The following ZCCHC17 variants were observed in gnomAD, a reference collection of about 807,000 sequenced individuals.
ZCCHC17 encodes zinc finger CCHC domain-containing protein 17.
A neutral mutation model predicts 30.6 loss-of-function variants in ZCCHC17; 18 were observed. The ratio of observed to expected loss-of-function variants is 0.59; its 90% CI spans 0.41 to 0.87. The LOEUF (loss-of-function observed/expected upper bound fraction) is 0.87. Among genes scored for constraint, ZCCHC17 ranks in the 40% least tolerant of loss-of-function variants. The pLI is 0.00. For missense variants in ZCCHC17, 263 were observed against 284.2 expected, an observed-to-expected ratio of 0.93 and a Z score of 0.54; for synonymous variants, 88 against 92.4, an observed-to-expected ratio of 0.95 and a Z score of 0.27.
rs1273931875 is a variant in ZCCHC17 at position 31,339,177 on chromosome 1, T to C, written c.317+129T>C. On this transcript the variant is annotated intron_variant, in intron 5 of 7. Coordinates refer to ENST00000344147, the MANE Select transcript of ZCCHC17 (RefSeq NM_016505.4). ...TGATATTGATAAGTTACGTAACCTT[T>C]GCAATCTTTGGTTTTTAGAAATGTA... 3 of 681,810 alleles carry C rather than the reference T, an allele frequency of 4.4e-6. No homozygotes were observed. The East Asian group carries it at 8.7e-5, about 20-fold the overall frequency. 42.2% of individuals were successfully genotyped at this position (681,810 alleles called of 1,614,324 possible).
intron 7 of ZCCHC17, among the ~76,000 whole-genome samples, chr1:31,362,102 G>A (rs1343334570): frequency 1.3e-5 from 2 of 152,136 alleles, no homozygotes; most frequent in African/African-American, 4.8e-5. Context: ...GAGCCACCGC[G>A]CCCAGCCAGT....
chr1:31,358,080 T>C (rs1639718182), intron 7 of ZCCHC17, among the ~76,000 whole-genome samples: 1 of 152,222 alleles, frequency 6.6e-6, no homozygotes. Context: ...CATAAAGTGT[T>C]GTTTGAGTGG....
intron 7 of ZCCHC17, among the ~76,000 whole-genome samples, chr1:31,360,233 GA>G (rs1639822025): frequency 6.8e-6 from 1 of 146,728 alleles, no homozygotes. Flanking sequence ...GCAGTGGCGC[GA>G]TCTTGGCTCA....
chr1:31,324,945 A>G (rs1325175255), intron 3 of ZCCHC17, among the ~76,000 whole-genome samples: 1 of 152,218 alleles, frequency 6.6e-6, no homozygotes, highest in Non-Finnish European at 1.5e-5. Flanking sequence ...TCTGTGGCCC[A>G]GAGTGAGAAC....
At chr1:31,331,719 C>A (rs1042578253) in intron 3 of ZCCHC17, among the ~76,000 whole-genome samples, 2 of 151,838 alleles carry the variant, frequency 1.3e-5, no homozygotes, top group Non-Finnish European at 2.9e-5. Context: ...TCAGGCAATT[C>A]TCCTGCCTTA....
At chr1:31,303,775 C>A (rs1646377701) in intron 1 of ZCCHC17, among the ~76,000 whole-genome samples, 1 of 152,108 alleles carries the variant, frequency 6.6e-6, no homozygotes, top group Non-Finnish European at 1.5e-5. Context: ...TTCCTACAAA[C>A]AAGGACATTC....
chr1:31,304,574 C>T (rs558273298), intron 1 of ZCCHC17, among the ~76,000 whole-genome samples: 26 of 151,430 alleles, frequency 1.7e-4, no homozygotes, highest in Admixed American at 6.6e-4. Context: ...TGTGAGCCAC[C>T]GTGCCTGGCT....
intron 2 of ZCCHC17, among the ~76,000 whole-genome samples, chr1:31,312,955 T>C (rs1163132189): frequency 6.6e-6 from 1 of 151,822 alleles, no homozygotes; most frequent in Non-Finnish European, 1.5e-5. Flanking sequence ...GTACTTTTAG[T>C]AGAGACAAGG....
intron 7 of ZCCHC17, among the ~76,000 whole-genome samples, chr1:31,351,833 G>C (rs1288393070): frequency 6.6e-6 from 1 of 152,126 alleles, no homozygotes; most frequent in African/African-American, 2.4e-5. Context: ...CTGAATGTTG[G>C]AGTGTTCCAA....
At chr1:31,322,419 C>T (rs145909279) in intron 3 of ZCCHC17, among the ~76,000 whole-genome samples, 22 of 152,294 alleles carry the variant, frequency 1.4e-4, no homozygotes, top group African/African-American at 5.1e-4. Context: ...ACTCACAGAA[C>T]TCAGAAAAAT....
chr1:31,360,860 T>A (rs1382850933), intron 7 of ZCCHC17, among the ~76,000 whole-genome samples: 1 of 152,192 alleles, frequency 6.6e-6, no homozygotes, highest in Non-Finnish European at 1.5e-5. Flanking sequence ...ACTCATGAAG[T>A]TTGACTCTAC....
intron 3 of ZCCHC17, among the ~76,000 whole-genome samples, chr1:31,321,054 T>C (rs981540499): frequency 6.6e-6 from 1 of 152,210 alleles, no homozygotes; most frequent in Admixed American, 6.5e-5. Flanking sequence ...CTTGGGTTTA[T>C]TGGCCATTTG....
intron 5 of ZCCHC17, among the ~76,000 whole-genome samples, chr1:31,340,672 G>A (rs1228141572): frequency 6.6e-6 from 1 of 152,172 alleles, no homozygotes; most frequent in African/African-American, 2.4e-5. Flanking sequence ...AAAATTCTAT[G>A]TGTGTCCTCA....
intron 3 of ZCCHC17, among the ~76,000 whole-genome samples, chr1:31,321,150 C>T (rs933526843): frequency 1.1e-4 from 16 of 152,212 alleles, no homozygotes; most frequent in Admixed American, 9.8e-4. Context: ...TTGTAGTTCT[C>T]GTAATCCCCA....
rs148785491 is a variant in ZCCHC17 at position 31,300,887 on chromosome 1, C to T, written c.-56+3812C>T. The stretch of plus-strand genomic sequence containing the variant: ...GGAGGAGGTTGCAGTGAGCTAAGAT[C>T]GCGCCATTGCACTCTAGCCTGGGTG... On this transcript the variant is annotated intron_variant, in intron 1 of 7. Coordinates refer to ENST00000344147, the MANE Select transcript of ZCCHC17 (RefSeq NM_016505.4). Among the ~76,000 whole-genome samples the T allele has an allele frequency of 6.5e-3, 982 of 150,654 alleles. 2 individuals carry two copies. The highest frequency in any genetic ancestry group is 9.8e-3 in the Non-Finnish European group (666 of 67,774).
chr1:31,330,726 T>C (rs1337198588), intron 3 of ZCCHC17, among the ~76,000 whole-genome samples: 2 of 152,188 alleles, frequency 1.3e-5, no homozygotes, highest in Non-Finnish European at 2.9e-5. Flanking sequence ...ATTTATATGA[T>C]TTCTAGATGA....
chr1:31,316,487 A>T (rs754295188), intron 2 of ZCCHC17, among the ~76,000 whole-genome samples: 1 of 152,208 alleles, frequency 6.6e-6, no homozygotes, highest in Non-Finnish European at 1.5e-5. Flanking sequence ...CTCTTTCTAG[A>T]ACTGTGGAAC....
intron 2 of ZCCHC17, among the ~76,000 whole-genome samples, chr1:31,316,603 C>A (rs1460193747): frequency 6.6e-6 from 1 of 152,160 alleles, no homozygotes; most frequent in Non-Finnish European, 1.5e-5. Context: ...TTACAAAGAA[C>A]AAATTGCTTT....
chr1:31,353,334 C>T (rs900443208), intron 7 of ZCCHC17, among the ~76,000 whole-genome samples: 7 of 152,042 alleles, frequency 4.6e-5, no homozygotes, highest in Admixed American at 2.0e-4. Flanking sequence ...TTTTTTTACT[C>T]TGTTGATAGT....
Sources: allele counts gnomAD v4.1 joint callset (sites outside exome capture counted in the v4.1 genomes callset), GRCh38; gene constraint gnomAD v4.1.1; transcripts MANE v1.5; gene names NCBI Gene and HGNC (gene_info 2026-07-23, HGNC 2026-07-21).